The following ZNF45 variants were observed in gnomAD, a reference collection of about 807,000 sequenced individuals.
The protein encoded by ZNF45 is zinc finger protein 45, also known as BRC1744.
Under a neutral mutation model 12.0 loss-of-function variants are expected in ZNF45, and 4 were observed. The ratio of observed to expected loss-of-function variants is 0.33; its 90% CI spans 0.16 to 0.76. ZNF45 has a LOEUF of 0.76. Among genes scored for constraint, ZNF45 ranks in the 30% least tolerant of loss-of-function variants. ZNF45 has a pLI of 0.60. For missense variants in ZNF45, 700 were observed against 813.0 expected, an observed-to-expected ratio of 0.86 and a Z score of 1.69; for synonymous variants, 272 against 279.6, an observed-to-expected ratio of 0.97 and a Z score of 0.27.
intron 3 of ZNF45, among the ~76,000 whole-genome samples, chr19:43,928,742 G>T (rs1314212883): frequency 6.6e-6 from 1 of 152,180 alleles, no homozygotes; most frequent in Non-Finnish European, 1.5e-5. Context: ...AAAACAAACT[G>T]CAAGCTTCTC....
chr19:43,914,097 C>T lies in ZNF45; in HGVS notation c.1339G>A (p.Glu447Lys), dbSNP rs201102768. The T allele has an allele frequency of 2.2e-4, 354 of 1,614,174 alleles. No homozygotes were observed. Among genetic ancestry groups the T allele is most frequent in the Non-Finnish European group, 2.6e-4 (312 of 1,180,024 alleles). The change falls in exon 10 of 10, where the codon GAG becomes AAG. Residue 447 changes from glutamate (E) to lysine (K), a missense_variant. Transcript: ENST00000269973. ...TGGCTGAAGCCCTTGCCACACTCCT[C>T]ACATTTATAGGGTTTTTCCCCTGTA... ...VHTGEKPYKC[E>K]ECGKGFSQAS...
At chr19:43,917,239 AC>A (rs1217033436) in intron 9 of ZNF45, among the ~76,000 whole-genome samples, 1 of 152,188 alleles carries the variant, frequency 6.6e-6, no homozygotes, top group African/African-American at 2.4e-5. Context: ...ACACACACCT[AC>A]CCATATGTGA....
chr19:43,925,384 A>T lies in ZNF45; in HGVS notation c.-325T>A, dbSNP rs1158267604. 6.6e-6 allele frequency: 1 copy of T among 152,174 alleles called. No individual in the cohort carries two copies. The highest frequency in any genetic ancestry group is 2.4e-5 in the African/African-American group (1 of 41,428). The allele number at this position is 152,174 out of a possible 1,614,324, so 9.4% of individuals were successfully genotyped here. On this transcript the variant is annotated 5_prime_UTR_variant, in exon 4 of 10. Transcript: ENST00000269973. ...AAACATGGGCTGGATTCCAGATTCC[A>T]CTTGACCCTTCAGCAGAGAGCCTCT...
intron 9 of ZNF45, 82 bp from the exon 10 acceptor site, chr19:43,915,282 A>G (rs1972546570): frequency 1.5e-6 from 2 of 1,378,614 alleles, no homozygotes; most frequent in African/African-American, 1.4e-5. Context: ...ACTCGGGCCC[A>G]TAGCCTAAGG....
At chr19:43,920,538 G>A (rs114464030) in intron 7 of ZNF45, among the ~76,000 whole-genome samples, 2 of 135,812 alleles carry the variant, frequency 1.5e-5, no homozygotes, top group Non-Finnish European at 3.2e-5. Flanking sequence ...TGCCGGGTGG[G>A]GGGGGGGGGC....
intron 9 of ZNF45, among the ~76,000 whole-genome samples, chr19:43,915,686 G>A (rs969238089): frequency 2.0e-4 from 31 of 152,086 alleles, no homozygotes; most frequent in Admixed American, 1.5e-3. Flanking sequence ...TGAACTGCGC[G>A]TGCGAGGGAT....
At chr19:43,922,708 A>G (rs1232477862) in intron 6 of ZNF45, among the ~76,000 whole-genome samples, 2 of 152,186 alleles carry the variant, frequency 1.3e-5, no homozygotes, top group Non-Finnish European at 2.9e-5. Flanking sequence ...TTTACAAATT[A>G]AATGAGGGAA....
chr19:43,925,621 CTTAT>C (rs557599764), intron 3 of ZNF45, among the ~76,000 whole-genome samples, 163 bp from the exon 4 acceptor site: 20 of 152,184 alleles, frequency 1.3e-4, no homozygotes, highest in African/African-American at 4.3e-4. Flanking sequence ...AGAAGAAATA[CTTAT>C]TTATTTATTT....
chr19:43,922,319 TAACGTGAAATAGCAACAG>T, intron 6 of ZNF45, 102 bp from the exon 7 acceptor site: 1 of 728,686 alleles, frequency 1.4e-6, no homozygotes, highest in Non-Finnish European at 2.2e-6. Context: ...TTGTTTTTTT[TAACGTGAAATAGCAACAG>T]TGTTCCTTCC....
At chr19:43,922,440 C>A (rs149945193) in intron 6 of ZNF45, among the ~76,000 whole-genome samples, 1 of 152,128 alleles carries the variant, frequency 6.6e-6, no homozygotes, top group African/African-American at 2.4e-5. Flanking sequence ...ACCTGCCCGA[C>A]CACACAGAGT....
At position 43,923,351 on chromosome 19, in the gene ZNF45, T is replaced by TGA. The variant is rs370797369; in HGVS notation, c.-33+885_-33+886dup. Among the ~76,000 whole-genome samples, 1,051 of 151,546 alleles carry TGA rather than the reference T, an allele frequency of 6.9e-3. 8 individuals carry two copies. Among genetic ancestry groups the TGA allele is most frequent in the African/African-American group, 0.023 (936 of 41,364 alleles). Reference sequence around the variant, plus strand: ...GTGAGTACAGTGCAGTAAGATATTCTGAGAGAGAGAGAGAGACCATGTTTA... The same window carrying TGA: ...GTGAGTACAGTGCAGTAAGATATTCTGAGAGAGAGAGAGAGAGACCATGTTTA... On this transcript the variant is annotated intron_variant, in intron 6 of 9. Coordinates refer to ENST00000269973, the MANE Select transcript of ZNF45 (RefSeq NM_003425.4).
rs1277442060 is a variant in ZNF45, at chr19:43,919,681, C to A, written c.34G>T (p.Asp12Tyr). The part of the protein sequence containing the change: ...TKSKEAVTFK[D>Y]VAVVFSEEEL... ...TCCTCAGAGAAGACCACAGCCACGTCCTTGAATGTCACTGCCTCCTACAAC... is the reference window on the plus strand; with the variant it reads ...TCCTCAGAGAAGACCACAGCCACGTACTTGAATGTCACTGCCTCCTACAAC... The change falls in exon 8 of 10, where the codon GAC becomes TAC. Residue 12 changes from aspartate to tyrosine, a missense_variant. Coordinates refer to ENST00000269973, the MANE Select transcript of ZNF45 (RefSeq NM_003425.4). 2 of 1,612,082 alleles carry A rather than the reference C, an allele frequency of 1.2e-6. No homozygotes were observed. The highest frequency in any genetic ancestry group is 8.5e-7 in the Non-Finnish European group (1 of 1,178,824).
At chr19:43,933,486 G>A (rs762638471) in intron 2 of ZNF45, among the ~76,000 whole-genome samples, 1 of 151,988 alleles carries the variant, frequency 6.6e-6, no homozygotes, top group Non-Finnish European at 1.5e-5. Flanking sequence ...CACAATTAAT[G>A]ATAATTATTA....
At chr19:43,919,047 T>C in intron 8 of ZNF45, 85 bp from the exon 9 acceptor site, 1 of 1,077,790 alleles carries the variant, frequency 9.3e-7, no homozygotes, top group Non-Finnish European at 1.4e-6. Flanking sequence ...TTCATCGTCT[T>C]CAGGACATCA....
At chr19:43,919,741 G>T in intron 7 of ZNF45, 42 bp from the exon 8 acceptor site, 1 of 1,600,812 alleles carries the variant, frequency 6.2e-7, no homozygotes, top group South Asian at 1.1e-5. Flanking sequence ...TGCAATAAAG[G>T]TCCACTGGAA....
At chr19:43,920,146 T>C (rs1973009408) in intron 7 of ZNF45, among the ~76,000 whole-genome samples, 1 of 152,186 alleles carries the variant, frequency 6.6e-6, no homozygotes, top group Admixed American at 6.5e-5. Context: ...ACTGGGTTTT[T>C]TGGTCTGTAA....
intron 7 of ZNF45, among the ~76,000 whole-genome samples, chr19:43,920,860 A>G (rs1310869926): frequency 6.6e-6 from 1 of 152,052 alleles, no homozygotes; most frequent in Non-Finnish European, 1.5e-5. Flanking sequence ...TCTCGGCCTC[A>G]GAAACTGCTG....
chr19:43,928,754 TTCTC>T (rs1568462338), intron 3 of ZNF45, among the ~76,000 whole-genome samples: 1 of 152,238 alleles, frequency 6.6e-6, no homozygotes, highest in Non-Finnish European at 1.5e-5. Context: ...AAGCTTCTCT[TTCTC>T]TCTGATACTA....
At chr19:43,920,606 T>G (rs1973079096) in intron 7 of ZNF45, among the ~76,000 whole-genome samples, 1 of 145,332 alleles carries the variant, frequency 6.9e-6, no homozygotes, top group Non-Finnish European at 1.5e-5. Context: ...TTGGTTTTTT[T>G]TTTTTTTTTT....
Sources: gnomAD v4.1 joint callset for allele counts (sites outside exome capture counted in the v4.1 genomes callset) on GRCh38, gnomAD v4.1.1 for gene constraint, MANE v1.5 for transcripts, NCBI Gene and HGNC (gene_info 2026-07-23, HGNC 2026-07-21) for gene names.